WSB2: variants seen among roughly 807,000 people sequenced by gnomAD.
The protein encoded by WSB2 is WD repeat and SOCS box-containing protein 2.
In WSB2, 12 loss-of-function variants were observed where a neutral mutation model predicts 48.8. The ratio of observed to expected loss-of-function variants is 0.25; its 90% CI spans 0.16 to 0.40. WSB2 has a LOEUF of 0.40. WSB2 is among the 10% of genes least tolerant of loss of function. The pLI is 1.00. For synonymous variants in WSB2, 191 were observed against 203.1 expected (o/e 0.94, Z 0.51); for missense variants, 317 against 506.2 (o/e 0.63, Z 3.59).
intron 1 of WSB2, among the ~76,000 whole-genome samples, chr12:118,057,871 G>A (rs73410755): frequency 0.014 from 2,004 of 148,224 alleles, 44 homozygotes; most frequent in African/African-American, 0.047. Context: ...TGATCCTCCC[G>A]CCTCAGCCTC....
chr12:118,034,953 C>G, intron 8 of WSB2, 33 bp downstream of exon 8: 1 of 1,596,284 alleles, frequency 6.3e-7, no homozygotes. Context: ...CAGCAGAAAG[C>G]ACCACCCATC....
In WSB2 at chr12:118,042,855, T is replaced by C; in HGVS notation, c.545A>G (p.Asp182Gly). The C allele has an allele frequency of 6.2e-7, 1 of 1,614,134 alleles. No homozygotes were observed. Among genetic ancestry groups the C allele is most frequent in the Non-Finnish European group, 8.5e-7 (1 of 1,180,018 alleles). Residue 182 changes from aspartate (D) to glycine (G), a missense_variant, in exon 4 of 9, where the codon GAC becomes GGC. Physicochemically the swap from Asp to Gly is moderately conservative, Grantham distance 94. This residue lies in a region of WSB2 where 189 missense variants were observed against 349.6 expected (regional missense o/e 0.54). Transcript: ENST00000315436. The part of the protein sequence containing the change: ...ASRDKTLRIW[D>G]LNKHGKQIQV... The stretch of plus-strand genomic sequence containing the variant: ...ACTTCCCATACCGTGTTTATTCAGG[T>C]CCCAGATGCGAAGAGTCTTATCCCG...
intron 5 of WSB2, among the ~76,000 whole-genome samples, chr12:118,037,027 C>A (rs2031526831): frequency 6.6e-6 from 1 of 152,046 alleles, no homozygotes; most frequent in African/African-American, 2.4e-5. Context: ...ACTGAAAATA[C>A]AAAAATTAGC....
chr12:118,050,843 G>C (rs546501556), intron 2 of WSB2, among the ~76,000 whole-genome samples: 28 of 152,196 alleles, frequency 1.8e-4, no homozygotes, highest in African/African-American at 6.5e-4. Flanking sequence ...CCTGAGGTCA[G>C]GAGTTTGAGA....
chr12:118,045,292 G>A (rs2031723693), intron 2 of WSB2, among the ~76,000 whole-genome samples: 1 of 151,892 alleles, frequency 6.6e-6, no homozygotes, highest in East Asian at 1.9e-4. Flanking sequence ...GTGAACCCGG[G>A]AGGCGGAGCT....
intron 1 of WSB2, among the ~76,000 whole-genome samples, chr12:118,053,737 T>C (rs2031898395): frequency 6.6e-6 from 1 of 152,198 alleles, no homozygotes; most frequent in African/African-American, 2.4e-5. Flanking sequence ...TTTTGACCAT[T>C]ATGACTGTGA....
chr12:118,050,951 C>G (rs1285115073), intron 2 of WSB2, among the ~76,000 whole-genome samples: 1 of 151,796 alleles, frequency 6.6e-6, no homozygotes, highest in Admixed American at 6.6e-5. Context: ...ACTTGGGAGG[C>G]TGAGGCAGGA....
Position 118,060,949 on chromosome 12 carries a change from G to A in WSB2, c.13+87C>T, listed in dbSNP as rs2032051464. ...TCCAGCCCCCGCCCCACCCCGCCCA[G>A]CCCGCCCCGGGGTCGCCTCCCCCCT... On this transcript the variant is annotated intron_variant, in intron 1 of 8. Coordinates refer to ENST00000315436, the MANE Select transcript of WSB2 (RefSeq NM_018639.5). This position sits in a 1 kb window ranked among gnomAD's most constrained non-coding sequence, Gnocchi z 4.1. 6 of 226,828 alleles carry A rather than the reference G, an allele frequency of 2.6e-5. No individual in the cohort carries two copies. The highest frequency in any genetic ancestry group is 2.8e-5 in the Non-Finnish European group (4 of 142,494). The allele number at this position is 226,828 out of a possible 1,614,324, so 14.1% of individuals were successfully genotyped here. A position where few individuals can be genotyped will look rare whatever the true frequency, so the allele number is the denominator to read the frequency against.
chr12:118,057,061 G>A (rs923711692), intron 1 of WSB2, among the ~76,000 whole-genome samples: 1 of 152,114 alleles, frequency 6.6e-6, no homozygotes, highest in African/African-American at 2.4e-5. Context: ...AGGAATCCAG[G>A]AGCTAAAAGA....
intron 2 of WSB2, among the ~76,000 whole-genome samples, chr12:118,045,246 C>T (rs2031722333): frequency 6.6e-6 from 1 of 151,852 alleles, no homozygotes; most frequent in Non-Finnish European, 1.5e-5. Flanking sequence ...TGCCTGTAGT[C>T]CCAGCTACTC....
At chr12:118,050,466 C>T (rs1029274902) in intron 2 of WSB2, among the ~76,000 whole-genome samples, 2 of 151,164 alleles carry the variant, frequency 1.3e-5, no homozygotes, top group African/African-American at 2.4e-5. Flanking sequence ...CTAGGCAAGA[C>T]CCTGTCTCTA....
chr12:118,052,678 G>A, intron 1 of WSB2, 200 bp from the exon 2 acceptor site: 1 of 731,732 alleles, frequency 1.4e-6, no homozygotes, highest in East Asian at 2.8e-5. Context: ...ACTCCTCACT[G>A]CTGGTTAACC....
intron 1 of WSB2, among the ~76,000 whole-genome samples, chr12:118,058,007 C>T (rs529636080): frequency 1.3e-5 from 2 of 151,374 alleles, no homozygotes; most frequent in East Asian, 2.0e-4. Flanking sequence ...TGAGCTCAAG[C>T]GATTCTCCTG....
intron 2 of WSB2, among the ~76,000 whole-genome samples, chr12:118,046,903 C>T (rs547735290): frequency 8.6e-4 from 131 of 152,226 alleles, no homozygotes; most frequent in African/African-American, 2.9e-3. Context: ...TCCTGAGTAG[C>T]TGGGACTACA....
intron 6 of WSB2, chr12:118,035,683 A>C (rs991514098): frequency 5.1e-6 from 1 of 194,230 alleles, no homozygotes; most frequent in African/African-American, 2.3e-5. Context: ...ACACAAAAGG[A>C]AAAAGGAGAC....
At chr12:118,040,991 G>T (rs867078074) in intron 4 of WSB2, among the ~76,000 whole-genome samples, 1 of 152,266 alleles carries the variant, frequency 6.6e-6, no homozygotes, top group Non-Finnish European at 1.5e-5. Flanking sequence ...GGAGGTTGCA[G>T]TGAGCTGAGA....
chr12:118,036,636 T>C, intron 5 of WSB2, 126 bp from the exon 6 acceptor site: 1 of 974,750 alleles, frequency 1.0e-6, no homozygotes, highest in Non-Finnish European at 1.5e-6. Context: ...CTATCCCTTT[T>C]CTACAGCTCT....
intron 2 of WSB2, among the ~76,000 whole-genome samples, chr12:118,050,347 TG>T (rs559914404): frequency 2.6e-3 from 401 of 152,064 alleles, no homozygotes; most frequent in Non-Finnish European, 3.9e-3. Context: ...AAAGAAAAAC[TG>T]GTATTAGAAA....
chr12:118,050,129 G>T (rs1011756804), intron 2 of WSB2, among the ~76,000 whole-genome samples: 1 of 152,012 alleles, frequency 6.6e-6, no homozygotes, highest in Non-Finnish European at 1.5e-5. Context: ...AGGTTGCAGT[G>T]AGCCGAGATC....
Sources: allele counts gnomAD v4.1 joint callset (sites outside exome capture counted in the v4.1 genomes callset), GRCh38; gene constraint gnomAD v4.1.1; regional missense constraint gnomAD v4.1.1; non-coding constraint Gnocchi (gnomAD v3.1); transcripts MANE v1.5; gene names NCBI Gene and HGNC (gene_info 2026-07-23, HGNC 2026-07-21).